Variants in ATP11A observed in about 807,000 individuals in gnomAD.
The protein encoded by ATP11A is ATPase phospholipid transporting 11A.
ATP11A carries 81 observed loss-of-function variants against 154.4 expected under a neutral mutation model. The observed-to-expected ratio is 0.52, with a 90% CI of 0.44 to 0.63. The LOEUF (loss-of-function observed/expected upper bound fraction) is 0.63, where lower values mean the gene tolerates loss of function less well. Among genes scored for constraint, ATP11A ranks in the 30% least tolerant of loss-of-function variants. The pLI is 0.00. For synonymous variants in ATP11A, 623 were observed against 585.9 expected (o/e 1.06, Z -0.91); for missense variants, 1,316 against 1,474.3 (o/e 0.89, Z 1.76).
intron 1 of ATP11A, among the ~76,000 whole-genome samples, chr13:112,723,392 C>G (rs574063304): frequency 7.6e-6 from 1 of 132,110 alleles, no homozygotes; most frequent in South Asian, 2.6e-4. Flanking sequence ...CTGCTTCAGC[C>G]TCTTGAGTAG....
intron 21 of ATP11A, 96 bp downstream of exon 21, chr13:112,858,016 C>A: frequency 6.4e-7 from 1 of 1,566,458 alleles, no homozygotes. Flanking sequence ...TTCAGGACAC[C>A]CCCGTCACCA....
chr13:112,764,898 C>T (rs2077038415), intron 1 of ATP11A, among the ~76,000 whole-genome samples: 1 of 152,214 alleles, frequency 6.6e-6, no homozygotes, highest in African/African-American at 2.4e-5. Context: ...CTTTCCTTAG[C>T]TCAGGGCGCT....
At chr13:112,850,924 A>G (rs2079745576) in intron 17 of ATP11A, 113 bp from the exon 18 acceptor site, 4 of 956,008 alleles carry the variant, frequency 4.2e-6, no homozygotes, top group East Asian at 2.4e-5. Flanking sequence ...AAGGGTTACA[A>G]TTCTTGGGTT....
At chr13:112,761,235 C>G (rs545057737) in intron 1 of ATP11A, among the ~76,000 whole-genome samples, 38 of 152,248 alleles carry the variant, frequency 2.5e-4, no homozygotes, top group African/African-American at 8.2e-4. Context: ...GTGAGGCAGG[C>G]AATGCGGGTA....
chr13:112,715,345 T>G (rs536736304), intron 1 of ATP11A, among the ~76,000 whole-genome samples: 1 of 102,064 alleles, frequency 9.8e-6, no homozygotes, highest in Non-Finnish European at 2.1e-5. Context: ...CCCCGGTACC[T>G]GGCCAATCCC....
In ATP11A at chr13:112,690,493, C is replaced by A; in HGVS notation, c.39+38C>A. On this transcript the variant is annotated intron_variant, in intron 1 of 29. Transcript: ENST00000375645. This position sits in a 1 kb window ranked among gnomAD's most constrained non-coding sequence, Gnocchi z 5.6. ...GGCGCGGGCTGGGGGACCCGGGGAC[C>A]AGACAGACGCGGGCCGGCCCCGCAG... 1 of 1,299,942 alleles carries A rather than the reference C, an allele frequency of 7.7e-7. No individual in the cohort carries two copies. Among genetic ancestry groups the A allele is most frequent in the South Asian group, 2.6e-5 (1 of 38,704 alleles). 80.5% of individuals were successfully genotyped at this position (1,299,942 alleles called of 1,614,324 possible). A position where few individuals can be genotyped will look rare whatever the true frequency, so the allele number is the denominator to read the frequency against.
chr13:112,728,619 C>A (rs1449692725), intron 1 of ATP11A, among the ~76,000 whole-genome samples: 1 of 149,784 alleles, frequency 6.7e-6, no homozygotes, highest in African/African-American at 2.5e-5. Context: ...GACCGTGCGG[C>A]CCGCCTCCCT....
chr13:112,854,543 T>TCCCCGC lies in ATP11A; in HGVS notation c.2243+18_2243+23dup, dbSNP rs776251382. The TCCCCGC allele has an allele frequency of 5.6e-6, 9 of 1,598,208 alleles. No individual in the cohort carries two copies. Among genetic ancestry groups the TCCCCGC allele is most frequent in the Admixed American group, 1.7e-5 (1 of 59,622 alleles). On this transcript the variant is annotated intron_variant, in intron 19 of 29. Transcript: ENST00000375645. ...ACAACCTGTCCGGGTAGGCAGCGCGTCCCCGCCCCCACCCCCACACTCCCG... is the reference window on the plus strand; with the variant it reads ...ACAACCTGTCCGGGTAGGCAGCGCGTCCCCGCCCCCGCCCCCACCCCCACACTCCCG...
chr13:112,872,068 T>C (rs2080541122), intron 26 of ATP11A, among the ~76,000 whole-genome samples: 1 of 152,226 alleles, frequency 6.6e-6, no homozygotes, highest in African/African-American at 2.4e-5. Context: ...GCTGCTTCTT[T>C]GTGAAAGAAT....
intron 1 of ATP11A, among the ~76,000 whole-genome samples, chr13:112,726,956 A>G (rs992303293): frequency 6.6e-6 from 1 of 152,244 alleles, no homozygotes; most frequent in Admixed American, 6.5e-5. Context: ...TTTTTTTCTC[A>G]TATACAGCTT....
chr13:112,871,013 G>C (rs2080502076), intron 25 of ATP11A, among the ~76,000 whole-genome samples: 1 of 152,206 alleles, frequency 6.6e-6, no homozygotes, highest in South Asian at 2.1e-4. Context: ...ACCACTGCTG[G>C]CGGATCTGTG....
At chr13:112,825,613 G>A (rs1009349037) in intron 11 of ATP11A, 33 bp downstream of exon 11, 35 of 1,575,464 alleles carry the variant, frequency 2.2e-5, no homozygotes, top group Non-Finnish European at 2.6e-5. Context: ...TATGATCCGA[G>A]GTGACCTGTG....
chr13:112,771,366 G>A (rs1363544817), intron 1 of ATP11A, among the ~76,000 whole-genome samples: 1 of 152,230 alleles, frequency 6.6e-6, no homozygotes, highest in African/African-American at 2.4e-5. Flanking sequence ...CAGCCCAGAT[G>A]TGTCTCCTGG....
intron 11 of ATP11A, among the ~76,000 whole-genome samples, chr13:112,826,015 G>A (rs945628094): frequency 3.3e-5 from 5 of 151,834 alleles, no homozygotes; most frequent in African/African-American, 1.2e-4. Flanking sequence ...CCAGACCTGT[G>A]TCCACTGACC....
intron 10 of ATP11A, 101 bp downstream of exon 10, chr13:112,824,526 C>A: frequency 9.7e-7 from 1 of 1,034,352 alleles, no homozygotes. Context: ...GTTCCTTTGC[C>A]ACTGTACAGC....
chr13:112,690,416 C>A lies in ATP11A; in HGVS notation c.-1C>A, dbSNP rs753815710. ...GCGGAGCGGGAGCGGCCGGAGGAGC[C>A]ATGGACTGCAGCCTCGTGCGGACGC... On this transcript the variant is annotated 5_prime_UTR_variant, in exon 1 of 30. Coordinates refer to ENST00000375645, the MANE Select transcript of ATP11A (RefSeq NM_015205.3). The surrounding 1 kb of genome is among the most constrained non-coding windows in gnomAD (Gnocchi z 5.6). The A allele has an allele frequency of 7.5e-7, 1 of 1,329,400 alleles. No homozygotes were observed. Among genetic ancestry groups the A allele is most frequent in the Non-Finnish European group, 9.6e-7 (1 of 1,038,858 alleles). 82.4% of individuals were successfully genotyped at this position (1,329,400 alleles called of 1,614,324 possible).
chr13:112,806,342 G>A (rs779756732), intron 4 of ATP11A, 49 bp downstream of exon 4: 2 of 1,418,876 alleles, frequency 1.4e-6, no homozygotes, highest in Non-Finnish European at 2.0e-6. Flanking sequence ...TTCACCATGT[G>A]AATTGCCTTT....
intron 1 of ATP11A, among the ~76,000 whole-genome samples, chr13:112,694,295 C>T (rs1366757812): frequency 6.6e-6 from 1 of 152,188 alleles, no homozygotes; most frequent in Non-Finnish European, 1.5e-5. Context: ...GGGAAGCTCT[C>T]AGTCCGTTTG....
chr13:112,871,818 C>CA lies in ATP11A; in HGVS notation c.3057+19dup. On this transcript the variant is annotated intron_variant, in intron 26 of 29. Transcript: ENST00000375645. ...CACTAAAGGTAAGTGGTCTCGCGCTCACGTTCCTCCCCCAGCCACAGTGAA... is the reference window on the plus strand; with the variant it reads ...CACTAAAGGTAAGTGGTCTCGCGCTCAACGTTCCTCCCCCAGCCACAGTGAA... 6.2e-7 allele frequency: 1 copy of CA among 1,611,414 alleles called. No individual in the cohort carries two copies. The highest frequency in any genetic ancestry group is 8.5e-7 in the Non-Finnish European group (1 of 1,177,516).
Sources: gnomAD v4.1 joint callset for allele counts (sites outside exome capture counted in the v4.1 genomes callset) on GRCh38, gnomAD v4.1.1 for gene constraint, Gnocchi (gnomAD v3.1) non-coding constraint, MANE v1.5 for transcripts, NCBI Gene and HGNC (gene_info 2026-07-23, HGNC 2026-07-21) for gene names.